OTUD7A: variants seen among roughly 807,000 people sequenced by gnomAD.
OTUD7A encodes the protein OTU deubiquitinase 7A.
In OTUD7A, 12 loss-of-function variants were observed where a neutral mutation model predicts 65.7. That is an observed-to-expected ratio of 0.18 (90% CI 0.12 to 0.30). OTUD7A has a LOEUF of 0.30. OTUD7A is among the 10% of genes least tolerant of loss of function. The probability of loss-of-function intolerance (pLI) is 1.00; values close to 1 mark genes in which losing one functional copy is unlikely to be tolerated. For synonymous variants in OTUD7A, 641 were observed against 586.3 expected (o/e 1.09, Z -1.35); for missense variants, 1,148 against 1,304.8 (o/e 0.88, Z 1.85).
At chr15:31,645,751 C>T (rs1326315338) in intron 3 of OTUD7A, among the ~76,000 whole-genome samples, 1 of 152,196 alleles carries the variant, frequency 6.6e-6, no homozygotes, top group African/African-American at 2.4e-5. Context: ...ATCTCTTAAG[C>T]CTTTTTTAAT....
intron 1 of OTUD7A, among the ~76,000 whole-genome samples, chr15:31,659,461 C>A (rs1892095619): frequency 6.6e-6 from 1 of 152,220 alleles, no homozygotes; most frequent in Non-Finnish European, 1.5e-5. Context: ...GCCACTGCTG[C>A]AGAATCTAAG....
chr15:31,811,876 A>G (rs1387596941), intron 1 of OTUD7A, among the ~76,000 whole-genome samples: 1 of 152,188 alleles, frequency 6.6e-6, no homozygotes, highest in Non-Finnish European at 1.5e-5. Flanking sequence ...CTGTACACAG[A>G]GCAACAGTGA....
At chr15:31,729,625 T>G (rs1893986815) in intron 1 of OTUD7A, among the ~76,000 whole-genome samples, 1 of 152,190 alleles carries the variant, frequency 6.6e-6, no homozygotes, top group Non-Finnish European at 1.5e-5. Context: ...AATTGGGTAT[T>G]ATTTTCATTT....
Position 31,478,117 on chromosome 15 carries a change from A to C in OTUD7A, c.*5177T>G, listed in dbSNP as rs957069063. On this transcript the variant is annotated 3_prime_UTR_variant, in exon 13 of 13. Transcript: ENST00000307050. ...GTCCCAGGGCAGAGCAGCAGGCAGA[A>C]GAAGTACTGGGATGGGAGAGGCCTT... 5 of 152,344 alleles carry C rather than the reference A, an allele frequency of 3.3e-5. No individual in the cohort carries two copies. The highest frequency in any genetic ancestry group is 1.3e-4 in the Admixed American group (2 of 15,304). 9.4% of individuals were successfully genotyped at this position (152,344 alleles called of 1,614,324 possible).
At chr15:31,791,050 C>A (rs748552288) in intron 1 of OTUD7A, among the ~76,000 whole-genome samples, 2 of 152,134 alleles carry the variant, frequency 1.3e-5, no homozygotes, top group Admixed American at 1.3e-4. Context: ...TCTTTTGAGA[C>A]GGAGTCTTGT....
intron 3 of OTUD7A, among the ~76,000 whole-genome samples, chr15:31,612,481 A>T (rs1890457274): frequency 6.6e-6 from 1 of 152,222 alleles, no homozygotes; most frequent in South Asian, 2.1e-4. Flanking sequence ...ACAAATTGGT[A>T]ACTCTTCTAT....
rs541924783 is a variant in OTUD7A, at chr15:31,807,782, A to G, written c.-100+62725T>C. On this transcript the variant is annotated intron_variant, in intron 1 of 12. Coordinates refer to ENST00000307050, the MANE Select transcript of OTUD7A (RefSeq NM_001382637.1). The stretch of plus-strand genomic sequence containing the variant: ...CCTAAAGAAGTAAAATGGAAATCAT[A>G]TACCAACCACCTCCACTCCCCCAAC... Among the ~76,000 whole-genome samples, 5 of 152,232 alleles carry G rather than the reference A, an allele frequency of 3.3e-5. No individual in the cohort carries two copies. The South Asian group carries it at 1.0e-3, about 32-fold the overall frequency.
At chr15:31,561,140 T>G (rs1888674245) in intron 4 of OTUD7A, among the ~76,000 whole-genome samples, 1 of 152,198 alleles carries the variant, frequency 6.6e-6, no homozygotes, top group Non-Finnish European at 1.5e-5. Context: ...AGGATTAAGT[T>G]CTTTGTATTT....
At chr15:31,553,962 A>C (rs1055997532) in intron 5 of OTUD7A, among the ~76,000 whole-genome samples, 1 of 152,162 alleles carries the variant, frequency 6.6e-6, no homozygotes, top group Non-Finnish European at 1.5e-5. Flanking sequence ...CCTTCAGTGA[A>C]GCCTAAAGGA....
intron 3 of OTUD7A, among the ~76,000 whole-genome samples, chr15:31,609,078 G>A (rs974476824): frequency 1.3e-5 from 2 of 152,180 alleles, no homozygotes; most frequent in Admixed American, 6.5e-5. Context: ...AGGAGGCAGC[G>A]GGAAAGGCCC....
At chr15:31,515,963 C>T (rs2041847135) in intron 8 of OTUD7A, among the ~76,000 whole-genome samples, 3 of 152,176 alleles carry the variant, frequency 2.0e-5, no homozygotes, top group Non-Finnish European at 2.9e-5. Context: ...TCCACCCACC[C>T]ACCTACGCAC....
At chr15:31,500,598 G>A (rs1475020626) in intron 10 of OTUD7A, among the ~76,000 whole-genome samples, 3 of 152,270 alleles carry the variant, frequency 2.0e-5, no homozygotes, top group Non-Finnish European at 4.4e-5. Flanking sequence ...GGGAGGCTGG[G>A]TTCTGTTCAT....
intron 1 of OTUD7A, among the ~76,000 whole-genome samples, chr15:31,736,726 T>A (rs1308747012): frequency 1.3e-5 from 2 of 151,628 alleles, no homozygotes; most frequent in African/African-American, 4.8e-5. Context: ...ATTTAAAATA[T>A]AAATGTAAAA....
chr15:31,566,495 T>C (rs953937733), intron 4 of OTUD7A, among the ~76,000 whole-genome samples: 2 of 152,140 alleles, frequency 1.3e-5, no homozygotes, highest in Non-Finnish European at 2.9e-5. Flanking sequence ...GGAAATCCAA[T>C]GGCCTAAGAA....
At chr15:31,763,793 G>A (rs547516649) in intron 1 of OTUD7A, among the ~76,000 whole-genome samples, 13 of 152,090 alleles carry the variant, frequency 8.5e-5, no homozygotes, top group Non-Finnish European at 1.5e-5. Flanking sequence ...CCTGAATACA[G>A]CAAGGAAAAA....
intron 1 of OTUD7A, among the ~76,000 whole-genome samples, chr15:31,859,869 T>A (rs1897675744): frequency 6.6e-6 from 1 of 152,202 alleles, no homozygotes; most frequent in South Asian, 2.1e-4. Flanking sequence ...GCCGCAACTC[T>A]GAGCACGTAC....
chr15:31,855,749 AC>A (rs1202560602), intron 1 of OTUD7A, among the ~76,000 whole-genome samples: 1 of 152,352 alleles, frequency 6.6e-6, no homozygotes, highest in East Asian at 1.9e-4. Context: ...TAACCTTTCA[AC>A]CCCTGAGTGA....
At chr15:31,724,822 T>C (rs145842192) in intron 1 of OTUD7A, among the ~76,000 whole-genome samples, 4,120 of 152,226 alleles carry the variant, frequency 0.027, 97 homozygotes, top group Non-Finnish European at 0.035. Flanking sequence ...AGACACGATG[T>C]TTTAGGGAAA....
intron 1 of OTUD7A, among the ~76,000 whole-genome samples, chr15:31,687,074 T>G (rs1011999559): frequency 1.3e-5 from 2 of 149,526 alleles, no homozygotes; most frequent in Non-Finnish European, 3.0e-5. Context: ...GGCAATGGGA[T>G]GCCAATAAAA....
Sources: gnomAD v4.1 joint callset for allele counts (sites outside exome capture counted in the v4.1 genomes callset) on GRCh38, gnomAD v4.1.1 for gene constraint, MANE v1.5 for transcripts, NCBI Gene and HGNC (gene_info 2026-07-23, HGNC 2026-07-21) for gene names.